The following MDGA1 variants were observed in gnomAD, a reference collection of about 807,000 sequenced individuals.
The protein encoded by MDGA1 is MAM domain containing glycosylphosphatidylinositol anchor 1, also known as MAM domain-containing glycosylphosphatidylinositol anchor protein 1.
In MDGA1, 54 loss-of-function variants were observed where a neutral mutation model predicts 101.5. The ratio of observed to expected loss-of-function variants is 0.53; its 90% CI spans 0.43 to 0.67. The LOEUF is 0.67. MDGA1 is among the 30% of genes least tolerant of loss of function. MDGA1 has a pLI of 0.00. For synonymous variants in MDGA1, 533 were observed against 558.3 expected, an observed-to-expected ratio of 0.95 and a Z score of 0.64; for missense variants, 1,083 against 1,323.8, an observed-to-expected ratio of 0.82 and a Z score of 2.82.
intron 1 of MDGA1, among the ~76,000 whole-genome samples, chr6:37,677,242 A>G (rs1195471643): frequency 6.6e-6 from 1 of 152,210 alleles, no homozygotes; most frequent in African/African-American, 2.4e-5. Context: ...GCTGTGCACA[A>G]CACCAGCTCA....
In MDGA1 at chr6:37,649,254, A is replaced by G. The variant is rs1761300075; in HGVS notation, c.1622T>C (p.Val541Ala). 1 of 1,501,798 alleles carries G rather than the reference A, an allele frequency of 6.7e-7. No individual in the cohort carries two copies. The highest frequency in any genetic ancestry group is 1.2e-5 in the South Asian group (1 of 80,736). 93.0% of individuals were successfully genotyped at this position (1,501,798 alleles called of 1,614,324 possible). A position where few individuals can be genotyped will look rare whatever the true frequency, so the allele number is the denominator to read the frequency against. ...GCGCACGTCCTGGGAACTGGGCTCC[A>G]CCTCCGGCGGGACTGGGGGCGGGAG... ...VQLNVQFPPE[V>A]EPSSQDVRQA... Residue 541 changes from valine to alanine, a missense_variant, in exon 9 of 17, where the codon GTG becomes GCG. Val to Ala is a moderately conservative substitution (Grantham distance 64). Transcript: ENST00000434837.
intron 1 of MDGA1, among the ~76,000 whole-genome samples, chr6:37,695,914 C>T (rs1480983659): frequency 3.3e-5 from 5 of 152,216 alleles, no homozygotes; most frequent in African/African-American, 7.2e-5. Flanking sequence ...ATGCCTGCCC[C>T]GGGCCTTCCC....
intron 1 of MDGA1, among the ~76,000 whole-genome samples, chr6:37,683,039 T>G (rs913626852): frequency 4.6e-5 from 7 of 152,198 alleles, no homozygotes; most frequent in African/African-American, 1.4e-4. Context: ...AGGAGCAGTC[T>G]TCTAGTCTAG....
At position 37,643,873 on chromosome 6, in the gene MDGA1, G is replaced by A. The variant is rs773376284; in HGVS notation, c.2472C>T (p.Leu824=). 1.9e-6 allele frequency: 3 copies of A among 1,613,850 alleles called. No individual in the cohort carries two copies. Among genetic ancestry groups the A allele is most frequent in the East Asian group, 4.5e-5 (2 of 44,896 alleles). Residue 824 remains leucine, a synonymous_variant, in exon 14 of 17, where the codon CTC becomes CTT. Coordinates refer to ENST00000434837, the MANE Select transcript of MDGA1 (RefSeq NM_153487.4). ...LGDRARLVSP[L]YNASAKFYCV... is the part of the protein sequence containing the mutation. ...AGTAGAACTTGGCGCTGGCATTGTA[G>A]AGGGGACTCACTAACCTTGCACGGT...
intron 1 of MDGA1, among the ~76,000 whole-genome samples, chr6:37,667,696 C>T (rs1450691020): frequency 6.6e-6 from 1 of 152,208 alleles, no homozygotes; most frequent in Non-Finnish European, 1.5e-5. Flanking sequence ...ATCGATTTAA[C>T]AGGCTCCAGT....
intron 14 of MDGA1, among the ~76,000 whole-genome samples, chr6:37,640,071 G>A (rs973667421): frequency 6.6e-6 from 1 of 152,184 alleles, no homozygotes; most frequent in African/African-American, 2.4e-5. Context: ...AGTGGTCTGG[G>A]CCTGGGGAGC....
Position 37,636,771 on chromosome 6 carries a change from G to A in MDGA1, c.*597C>T, listed in dbSNP as rs1276048080. ...CAGTGCTCACTCTGGACAGAATCGTGTGCAGCAGGTGCCCTACCTTCCTTG... is the reference window on the plus strand; with the variant it reads ...CAGTGCTCACTCTGGACAGAATCGTATGCAGCAGGTGCCCTACCTTCCTTG... On this transcript the variant is annotated 3_prime_UTR_variant, in exon 17 of 17. Coordinates refer to ENST00000434837, the MANE Select transcript of MDGA1 (RefSeq NM_153487.4). The A allele has an allele frequency of 6.5e-6, 1 of 152,904 alleles. No homozygotes were observed. Among genetic ancestry groups the A allele is most frequent in the Non-Finnish European group, 1.5e-5 (1 of 68,234 alleles). 9.5% of individuals were successfully genotyped at this position (152,904 alleles called of 1,614,324 possible).
intron 1 of MDGA1, among the ~76,000 whole-genome samples, chr6:37,680,298 A>G (rs1242613721): frequency 6.6e-6 from 1 of 152,152 alleles, no homozygotes; most frequent in Admixed American, 6.5e-5. Flanking sequence ...GGGCCAAAAG[A>G]AGCAATCGGG....
intron 1 of MDGA1, among the ~76,000 whole-genome samples, chr6:37,668,930 C>T (rs968965628): frequency 2.0e-5 from 3 of 152,168 alleles, no homozygotes; most frequent in African/African-American, 7.2e-5. Context: ...TCACTGCAAC[C>T]TCTGCCTCCT....
intron 2 of MDGA1, among the ~76,000 whole-genome samples, chr6:37,660,179 A>AT (rs35391424): frequency 0.04 from 5,823 of 145,220 alleles, 261 homozygotes; most frequent in African/African-American, 0.11. Context: ...CACCTGGCTA[A>AT]TTTTTTTTTT....
chr6:37,697,007 C>A lies in MDGA1; in HGVS notation c.-196G>T, dbSNP rs1762436319. The A allele has an allele frequency of 3.6e-6, 2 of 553,350 alleles. No individual in the cohort carries two copies. The highest frequency in any genetic ancestry group is 3.2e-5 in the Admixed American group (1 of 31,460). 34.3% of individuals were successfully genotyped at this position (553,350 alleles called of 1,614,324 possible). A position where few individuals can be genotyped will look rare whatever the true frequency, so the allele number is the denominator to read the frequency against. ...TGTTTCTCCTCCGGCGGGGCCGCTGCCCGCGTGGGGACGCAGGGGGCGCTG... is the reference window on the plus strand; with the variant it reads ...TGTTTCTCCTCCGGCGGGGCCGCTGACCGCGTGGGGACGCAGGGGGCGCTG... On this transcript the variant is annotated 5_prime_UTR_variant, in exon 1 of 17. Coordinates refer to ENST00000434837, the MANE Select transcript of MDGA1 (RefSeq NM_153487.4).
rs1176753125 is a variant in MDGA1 at position 37,655,811 on chromosome 6, G to C, written c.468C>G (p.Arg156=). ...NFYQEKTVFL[R]CTVNSNPPAR... ...CAGGCGGGTTGGAGTTGACAGTACA[G>C]CGCAGGAACACCGTCTTCTCCTGGT... is the stretch of plus-strand genomic sequence containing the variant. Residue 156 remains arginine, a synonymous_variant, in exon 4 of 17, where the codon CGC becomes CGG. Transcript: ENST00000434837. This position sits in a 1 kb window ranked among gnomAD's most constrained non-coding sequence, Gnocchi z 5.1. 1 of 1,613,706 alleles carries C rather than the reference G, an allele frequency of 6.2e-7. No individual in the cohort carries two copies. Among genetic ancestry groups the C allele is most frequent in the South Asian group, 1.1e-5 (1 of 90,976 alleles).
chr6:37,653,263 T>C (rs1225915823), intron 6 of MDGA1, among the ~76,000 whole-genome samples: 2 of 152,126 alleles, frequency 1.3e-5, no homozygotes, highest in Non-Finnish European at 2.9e-5. Flanking sequence ...TGGAGAAAAA[T>C]AATCTTCTGA....
chr6:37,693,568 C>T (rs1762357331), intron 1 of MDGA1, among the ~76,000 whole-genome samples: 1 of 152,312 alleles, frequency 6.6e-6, no homozygotes, highest in Non-Finnish European at 1.5e-5. Flanking sequence ...GAGAGGAATC[C>T]CACTGACCTG....
intron 1 of MDGA1, among the ~76,000 whole-genome samples, chr6:37,692,174 G>A (rs993218517): frequency 6.6e-6 from 1 of 152,186 alleles, no homozygotes; most frequent in African/African-American, 2.4e-5. Context: ...ATGCAATGTG[G>A]CGGCCAAGCC....
intron 14 of MDGA1, among the ~76,000 whole-genome samples, chr6:37,642,735 C>A (rs1271411879): frequency 6.6e-6 from 1 of 152,216 alleles, no homozygotes; most frequent in Non-Finnish European, 1.5e-5. Flanking sequence ...TACCACCAGT[C>A]TCAGCCCCTG....
intron 2 of MDGA1, among the ~76,000 whole-genome samples, chr6:37,658,913 G>A (rs1761558148): frequency 6.8e-6 from 1 of 147,272 alleles, no homozygotes; most frequent in African/African-American, 2.5e-5. Context: ...GGGGGTTGCA[G>A]TGAGCCGAGA....
intron 1 of MDGA1, among the ~76,000 whole-genome samples, chr6:37,693,264 C>T (rs889669277): frequency 3.3e-5 from 5 of 152,196 alleles, no homozygotes; most frequent in African/African-American, 7.2e-5. Context: ...GATCAACACC[C>T]GGGAGATGAC....
At chr6:37,650,545 T>C (rs1158771724) in intron 7 of MDGA1, 140 bp from the exon 8 acceptor site, 3 of 936,366 alleles carry the variant, frequency 3.2e-6, no homozygotes, top group Non-Finnish European at 4.5e-6. Context: ...GGTCCCCCAG[T>C]ATTTCCAAAG....
Sources: allele counts gnomAD v4.1 joint callset (sites outside exome capture counted in the v4.1 genomes callset), GRCh38; gene constraint gnomAD v4.1.1; non-coding constraint Gnocchi (gnomAD v3.1); transcripts MANE v1.5; gene names NCBI Gene and HGNC (gene_info 2026-07-23, HGNC 2026-07-21).